Variants in SUPT7L observed in about 807,000 individuals in gnomAD.
SUPT7L encodes STAGA complex 65 subunit gamma.
In SUPT7L, 15 loss-of-function variants were observed where a neutral mutation model predicts 35.7. The ratio of observed to expected loss-of-function variants is 0.42; its 90% CI spans 0.28 to 0.65. The LOEUF is 0.65. Among genes scored for constraint, SUPT7L ranks in the 30% least tolerant of loss-of-function variants. The pLI is 0.23. For missense variants in SUPT7L, 434 were observed against 522.2 expected (o/e 0.83, Z 1.65); for synonymous variants, 168 against 186.2 (o/e 0.90, Z 0.79).
chr2:27,656,010 G>A (rs1674791074), intron 4 of SUPT7L, among the ~76,000 whole-genome samples: 1 of 150,212 alleles, frequency 6.7e-6, no homozygotes, highest in South Asian at 2.1e-4. Context: ...TATCTAGTGA[G>A]ACCCCATCTC....
At chr2:27,662,889 C>A (rs1675182997) in intron 1 of SUPT7L, among the ~76,000 whole-genome samples, 1 of 152,064 alleles carries the variant, frequency 6.6e-6, no homozygotes, top group Admixed American at 6.5e-5. Flanking sequence ...AAGCAATCCT[C>A]CCACCTCAGC....
At chr2:27,654,059 A>T (rs565192287) in intron 5 of SUPT7L, among the ~76,000 whole-genome samples, 11 of 152,248 alleles carry the variant, frequency 7.2e-5, no homozygotes, top group African/African-American at 2.6e-4. Context: ...CTCACAGCCC[A>T]AAGACATGCA....
downstream of SUPT7L, among the ~76,000 whole-genome samples, chr2:27,648,408 G>T (rs970817405): frequency 6.6e-6 from 1 of 152,008 alleles, no homozygotes; most frequent in East Asian, 1.9e-4. Context: ...AGTTCAAGCT[G>T]TTTGGGAGGC....
downstream of SUPT7L, chr2:27,647,724 G>C: frequency 1.5e-6 from 1 of 659,892 alleles, no homozygotes; most frequent in East Asian, 2.7e-5. Context: ...AAGATCCTGC[G>C]TTTATATGTA....
chr2:27,660,701 T>C (rs913304296), intron 3 of SUPT7L, among the ~76,000 whole-genome samples: 11 of 152,140 alleles, frequency 7.2e-5, no homozygotes, highest in African/African-American at 2.7e-4. Flanking sequence ...TCCTAAGAAC[T>C]ATGAGGCCAT....
chr2:27,647,480 C>T (rs1025102278), downstream of SUPT7L, among the ~76,000 whole-genome samples: 3 of 152,126 alleles, frequency 2.0e-5, no homozygotes, highest in Admixed American at 2.0e-4. Context: ...TGTGACTCAC[C>T]AGCACACTGG....
rs1484089907 is a variant in SUPT7L at position 27,657,879 on chromosome 2, A to G, written c.420-210T>C. ...TATCTTTGAGCTCCTCCAAAGACATAGTTTGAATAGGCAATACATGTCTAT... is the reference window on the plus strand; with the variant it reads ...TATCTTTGAGCTCCTCCAAAGACATGGTTTGAATAGGCAATACATGTCTAT... On this transcript the variant is annotated intron_variant, in intron 3 of 5. Transcript: ENST00000337768. This position sits in a 1 kb window ranked among gnomAD's most constrained non-coding sequence, Gnocchi z 5.2. 1.3e-5 allele frequency among the ~76,000 whole-genome samples: 2 copies of G among 152,226 alleles called. No individual in the cohort carries two copies. The highest frequency in any genetic ancestry group is 3.8e-4 in the East Asian group (2 of 5,200).
Position 27,657,500 on chromosome 2 carries a change from G to C in SUPT7L, c.589C>G (p.Leu197Val). Reference sequence around the variant, plus strand: ...GCCTCCCGGTCCACAGCAAAACGCAGCAACTTGGTAAACTTAAGGCAATAC... The same window carrying C: ...GCCTCCCGGTCCACAGCAAAACGCACCAACTTGGTAAACTTAAGGCAATAC... Reference protein sequence around the residue: ...HEYCLKFTKLLRFAVDREARL... With the variant: ...HEYCLKFTKLVRFAVDREARL... Residue 197 changes from leucine to valine, a missense_variant, in exon 4 of 6, where the codon CTG becomes GTG. Leu to Val is a conservative substitution (Grantham distance 32). Transcript: ENST00000337768. The surrounding 1 kb of genome is among the most constrained non-coding windows in gnomAD (Gnocchi z 5.2). 6.2e-7 allele frequency: 1 copy of C among 1,614,242 alleles called. No individual in the cohort carries two copies. Among genetic ancestry groups the C allele is most frequent in the Non-Finnish European group, 8.5e-7 (1 of 1,180,048 alleles).
downstream of SUPT7L, among the ~76,000 whole-genome samples, chr2:27,646,752 T>C (rs570947753): frequency 6.6e-6 from 1 of 152,296 alleles, no homozygotes; most frequent in East Asian, 1.9e-4. Flanking sequence ...TTTTTTTTTC[T>C]GGGACATCTT....
In SUPT7L at chr2:27,657,429, G is replaced by A. The variant is rs1306033458; in HGVS notation, c.660C>T (p.Phe220=). The change falls in exon 4 of 6, where the codon TTC becomes TTT. Residue 220 remains phenylalanine (F), a synonymous_variant. Transcript: ENST00000337768. This position sits in a 1 kb window ranked among gnomAD's most constrained non-coding sequence, Gnocchi z 5.2. ...TPFPDVMEQV[F]HEVGIGSVLS... ...GCACACTGCCAATACCCACTTCATG[G>A]AATACCTGCTCCATCACATCAGGAA... The A allele has an allele frequency of 6.2e-7, 1 of 1,614,224 alleles. No homozygotes were observed. Among genetic ancestry groups the A allele is most frequent in the South Asian group, 1.1e-5 (1 of 91,088 alleles).
downstream of SUPT7L, chr2:27,650,075 A>C: frequency 9.1e-7 from 1 of 1,097,330 alleles, no homozygotes; most frequent in Non-Finnish European, 1.4e-6. Flanking sequence ...AGTTTGTCTA[A>C]TGAAAGAGTT....
chr2:27,655,642 A>C (rs1674769947), intron 4 of SUPT7L, 40 bp from the exon 5 acceptor site: 2 of 1,522,708 alleles, frequency 1.3e-6, no homozygotes, highest in Non-Finnish European at 1.8e-6. Context: ...GGAAATGTTA[A>C]AAGCAAGTTG....
chr2:27,647,966 C>T (rs186543431), downstream of SUPT7L: 349 of 1,348,896 alleles, frequency 2.6e-4, 1 homozygote, highest in South Asian at 2.6e-3. Context: ...TGAGGTGGCC[C>T]GTGGCAACAG....
At position 27,657,457 on chromosome 2, in the gene SUPT7L, G is replaced by A. The variant is rs368138417; in HGVS notation, c.632C>T (p.Pro211Leu). 2 of 1,614,262 alleles carry A rather than the reference G, an allele frequency of 1.2e-6. No homozygotes were observed. Among genetic ancestry groups the A allele is most frequent in the East Asian group, 2.2e-5 (1 of 44,890 alleles). The change falls in exon 4 of 6, where the codon CCT becomes CTT. Residue 211 changes from proline (P) to leucine (L), a missense_variant. By Grantham distance (98) the Pro-to-Leu change is moderately conservative. Around this residue, in one of 3 missense-constraint regions of SUPT7L, gnomAD observed 198 missense variants for 190.8 expected, o/e 1.04. Transcript: ENST00000337768. The surrounding 1 kb of genome is among the most constrained non-coding windows in gnomAD (Gnocchi z 5.2). The part of the protein sequence containing the change: ...VDREARLGQT[P>L]FPDVMEQVFH... ...TACCTGCTCCATCACATCAGGAAAA[G>A]GAGTCTGTCCCAGCCGGGCCTCCCG...
At chr2:27,653,870 T>G in intron 5 of SUPT7L, 123 bp from the exon 6 acceptor site, 1 of 1,247,692 alleles carries the variant, frequency 8.0e-7, no homozygotes, top group East Asian at 2.4e-5. Flanking sequence ...ACTCTGATTC[T>G]GTACTTGGCT....
rs1169166238 is a variant in SUPT7L at position 27,651,535 on chromosome 2, G to C, written c.*1950C>G. 2 of 152,252 alleles carry C rather than the reference G, an allele frequency of 1.3e-5. No individual in the cohort carries two copies. The highest frequency in any genetic ancestry group is 1.3e-4 in the Admixed American group (2 of 15,282). The allele number at this position is 152,252 out of a possible 1,614,324, so 9.4% of individuals were successfully genotyped here. ...TATTAATTTTAATGTTCTATACTTAGTGGGAACCACTGGTCTCAAAATTTG... is the reference window on the plus strand; with the variant it reads ...TATTAATTTTAATGTTCTATACTTACTGGGAACCACTGGTCTCAAAATTTG... On this transcript the variant is annotated 3_prime_UTR_variant, in exon 6 of 6. Transcript: ENST00000337768.
downstream of SUPT7L, chr2:27,650,238 G>A (rs1674463535): frequency 1.6e-6 from 2 of 1,233,350 alleles, no homozygotes; most frequent in African/African-American, 3.0e-5. Flanking sequence ...TAGAAGTCCA[G>A]AATTTTGGAC....
intron 2 of SUPT7L, 115 bp downstream of exon 2, chr2:27,662,064 T>C: frequency 7.0e-7 from 1 of 1,418,888 alleles, no homozygotes; most frequent in East Asian, 2.3e-5. Context: ...TCTACACTGC[T>C]GCTAGACTTA....
rs1306617788 is a variant in SUPT7L at position 27,661,454 on chromosome 2, T to C, written c.15-66A>G. 36 of 1,597,732 alleles carry C rather than the reference T, an allele frequency of 2.3e-5. No homozygotes were observed. In the East Asian group the frequency reaches 7.1e-4, roughly 32 times the overall value. On this transcript the variant is annotated intron_variant, in intron 2 of 5. Transcript: ENST00000337768. ...AATGTAGACAATAACCTAAAAGTAA[T>C]GTGTTTAAATCCTGGCAACTTTAGA...
Sources: gnomAD v4.1 joint callset for allele counts (sites outside exome capture counted in the v4.1 genomes callset) on GRCh38, gnomAD v4.1.1 for gene constraint, gnomAD v4.1.1 regional missense constraint, Gnocchi (gnomAD v3.1) non-coding constraint, MANE v1.5 for transcripts, NCBI Gene and HGNC (gene_info 2026-07-23, HGNC 2026-07-21) for gene names.